Variants in OSCP1 observed in about 807,000 individuals in gnomAD.
OSCP1 encodes the protein protein OSCP1.
In OSCP1, 35 loss-of-function variants were observed where a neutral mutation model predicts 45.1. The ratio of observed to expected loss-of-function variants is 0.78; its 90% CI spans 0.59 to 1.03. The LOEUF (loss-of-function observed/expected upper bound fraction) is 1.03. Ranked by LOEUF, OSCP1 falls within the 50% of genes least tolerant of loss-of-function variation. OSCP1 has a pLI of 0.00. For missense variants in OSCP1, 400 were observed against 470.7 expected (o/e 0.85, Z 1.39); for synonymous variants, 179 against 180.1 (o/e 0.99, Z 0.05).
At chr1:36,445,685 C>T (rs1405711187) in intron 1 of OSCP1, among the ~76,000 whole-genome samples, 2 of 152,158 alleles carry the variant, frequency 1.3e-5, no homozygotes, top group African/African-American at 4.8e-5. Flanking sequence ...ACAATGTCCA[C>T]ATCTATCTTT....
intron 1 of OSCP1, among the ~76,000 whole-genome samples, chr1:36,446,505 C>CTGAA (rs1368940979): frequency 2.6e-5 from 4 of 152,238 alleles, no homozygotes; most frequent in Non-Finnish European, 2.9e-5. Context: ...GGCAGGCAGG[C>CTGAA]TGAACGCCAG....
chr1:36,435,156 G>A (rs370045771), intron 2 of OSCP1, among the ~76,000 whole-genome samples: 3 of 144,412 alleles, frequency 2.1e-5, no homozygotes, highest in South Asian at 2.2e-4. Flanking sequence ...GTACAGTGGC[G>A]TGAACACAGC....
At chr1:36,433,625 G>C (rs1165144868) in intron 2 of OSCP1, among the ~76,000 whole-genome samples, 1 of 152,134 alleles carries the variant, frequency 6.6e-6, no homozygotes, top group Non-Finnish European at 1.5e-5. Context: ...ACAAACCTGT[G>C]CATGTACCTC....
intron 2 of OSCP1, among the ~76,000 whole-genome samples, chr1:36,434,548 G>A (rs1019730424): frequency 6.6e-5 from 10 of 151,902 alleles, no homozygotes; most frequent in African/African-American, 2.2e-4. Flanking sequence ...TCAGGAGTTC[G>A]AGACCAGCCT....
At chr1:36,420,814 T>G (rs1647573675) in intron 7 of OSCP1, among the ~76,000 whole-genome samples, 199 bp from the exon 8 acceptor site, 1 of 152,222 alleles carries the variant, frequency 6.6e-6, no homozygotes, top group South Asian at 2.1e-4. Flanking sequence ...ATGTAGCAAC[T>G]TTGCAAACCA....
At position 36,450,413 on chromosome 1, in the gene OSCP1, G is replaced by A. The variant is rs200812460; in HGVS notation, c.-44C>T. Reference sequence around the variant, plus strand: ...GACTGGTGAAGAGCCCCGGGGTTCGGTAGCCAGTGGCCTGAAGGCCAGGCC... The same window carrying A: ...GACTGGTGAAGAGCCCCGGGGTTCGATAGCCAGTGGCCTGAAGGCCAGGCC... On this transcript the variant is annotated 5_prime_UTR_variant, in exon 1 of 10. Transcript: ENST00000235532. 6.0e-4 allele frequency: 918 copies of A among 1,531,024 alleles called. No homozygotes were observed. The highest frequency in any genetic ancestry group is 7.9e-4 in the Non-Finnish European group (874 of 1,107,782). 94.8% of individuals were successfully genotyped at this position (1,531,024 alleles called of 1,614,324 possible).
At position 36,422,812 on chromosome 1, in the gene OSCP1, A is replaced by G; in HGVS notation, c.705T>C (p.Ser235=). 6.2e-7 allele frequency: 1 copy of G among 1,607,312 alleles called. No homozygotes were observed. The highest frequency in any genetic ancestry group is 1.3e-5 in the African/African-American group (1 of 74,770). The change falls in exon 6 of 10, where the codon TCT becomes TCC. Residue 235 remains serine, a synonymous_variant. Coordinates refer to ENST00000235532, the MANE Select transcript of OSCP1 (RefSeq NM_145047.5). The stretch of plus-strand genomic sequence containing the variant: ...GGACTCGGTCTCCATAAAGTTCAAA[A>G]GAACCTTCTTTGGGTGCAGGGACAT... ...GNYVPAPKEG[S]FELYGDRVLK... is the part of the protein sequence containing the mutation.
At chr1:36,443,981 C>T (rs775921113) in intron 1 of OSCP1, 21 of 1,610,198 alleles carry the variant, frequency 1.3e-5, no homozygotes, top group Non-Finnish European at 1.8e-5. Flanking sequence ...ACACTGAACA[C>T]ATGCAGCCCG....
At chr1:36,421,709 G>T (rs927187975) in intron 7 of OSCP1, among the ~76,000 whole-genome samples, 1 of 152,226 alleles carries the variant, frequency 6.6e-6, no homozygotes, top group East Asian at 1.9e-4. Flanking sequence ...ACAGCTAGCT[G>T]GGAGCTAGTT....
chr1:36,431,223 A>G (rs1648346254), intron 4 of OSCP1, among the ~76,000 whole-genome samples: 1 of 152,160 alleles, frequency 6.6e-6, no homozygotes. Context: ...AGTAGAGGTT[A>G]GACTCAGGAG....
intron 1 of OSCP1, among the ~76,000 whole-genome samples, chr1:36,446,263 TC>T (rs1649529591): frequency 1.3e-5 from 2 of 152,214 alleles, no homozygotes; most frequent in Non-Finnish European, 2.9e-5. Context: ...CCTCAGGTGA[TC>T]CACCCACCTC....
At position 36,423,392 on chromosome 1, in the gene OSCP1, A is replaced by C. The variant is rs1240775770; in HGVS notation, c.591T>G (p.Pro197=). The C allele has an allele frequency of 1.3e-5, 21 of 1,613,328 alleles. No individual in the cohort carries two copies. Among genetic ancestry groups the C allele is most frequent in the Non-Finnish European group, 1.8e-5 (21 of 1,179,240 alleles). The change falls in exon 5 of 10, where the codon CCT becomes CCG. Residue 197 remains proline, a synonymous_variant. Transcript: ENST00000235532. ...TGAGTCCTGGAACTTCAGTTCCCCA[A>C]GGAACAGGCCCGGACACCGGCAACA... ...RFVLPVSGPV[P]WGTEVPGLIR...
At chr1:36,419,948 G>A (rs1027472830) in intron 8 of OSCP1, among the ~76,000 whole-genome samples, 1 of 151,570 alleles carries the variant, frequency 6.6e-6, no homozygotes, top group East Asian at 1.9e-4. Context: ...GGGTAGCTGG[G>A]ACTACAGGTG....
chr1:36,423,294 T>C (rs1488801524), intron 5 of OSCP1, 69 bp downstream of exon 5: 6 of 1,246,528 alleles, frequency 4.8e-6, no homozygotes, highest in Non-Finnish European at 7.1e-6. Flanking sequence ...AGTGCGGCAT[T>C]CCGTGTGCGG....
At chr1:36,432,733 C>T in intron 2 of OSCP1, 144 bp from the exon 3 acceptor site, 1 of 862,706 alleles carries the variant, frequency 1.2e-6, no homozygotes, top group Non-Finnish European at 1.8e-6. Context: ...ACTTATCACC[C>T]AAACCAAGAC....
intron 4 of OSCP1, among the ~76,000 whole-genome samples, chr1:36,429,280 G>A (rs536857718): frequency 6.6e-6 from 1 of 151,926 alleles, no homozygotes; most frequent in East Asian, 1.9e-4. Context: ...CCAGTTACTC[G>A]AGAGGCTGAG....
At chr1:36,434,314 G>T (rs1648568197) in intron 2 of OSCP1, among the ~76,000 whole-genome samples, 1 of 152,202 alleles carries the variant, frequency 6.6e-6, no homozygotes, top group Admixed American at 6.5e-5. Flanking sequence ...GAGGAAACTT[G>T]CCTAATTTCA....
At chr1:36,426,246 A>C (rs566897036) in intron 4 of OSCP1, among the ~76,000 whole-genome samples, 4 of 152,184 alleles carry the variant, frequency 2.6e-5, no homozygotes, top group Non-Finnish European at 5.9e-5. Context: ...TGAAATGTAC[A>C]AATTTAGGTC....
chr1:36,429,359 CTG>C (rs1557552860), intron 4 of OSCP1, among the ~76,000 whole-genome samples: 1 of 149,290 alleles, frequency 6.7e-6, no homozygotes, highest in Non-Finnish European at 1.5e-5. Flanking sequence ...ATACTCCAGT[CTG>C]GGCAACAAAA....
Sources: gnomAD v4.1 joint callset for allele counts (sites outside exome capture counted in the v4.1 genomes callset) on GRCh38, gnomAD v4.1.1 for gene constraint, MANE v1.5 for transcripts, NCBI Gene and HGNC (gene_info 2026-07-23, HGNC 2026-07-21) for gene names.